The following HAUS7 variants were observed in gnomAD, a reference collection of about 807,000 sequenced individuals.
HAUS7 encodes the protein HAUS augmin-like complex subunit 7.
Under a neutral mutation model 28.4 loss-of-function variants are expected in HAUS7, and 3 were observed. The observed-to-expected ratio is 0.11, with a 90% CI of 0.05 to 0.27. HAUS7 has a LOEUF of 0.27. Among genes scored for constraint, HAUS7 ranks in the 10% least tolerant of loss-of-function variants. The pLI is 1.00. For missense variants in HAUS7, 284 were observed against 297.3 expected (o/e 0.96, Z 0.33); for synonymous variants, 165 against 132.1 (o/e 1.25, Z -1.71).
intron 1 of HAUS7, chrX:153,486,790 C>CG: frequency 2.0e-6 from 2 of 982,772 alleles, no homozygotes; most frequent in Admixed American, 3.0e-5. Flanking sequence ...GCCCCAGCGG[C>CG]GGGGGGAGGA....
At chrX:153,485,874 G>C (rs116117083) in intron 1 of HAUS7, 49,790 of 916,987 alleles carry the variant, frequency 0.054, 1,060 homozygotes, top group Non-Finnish European at 0.061. Flanking sequence ...CACATCGAGC[G>C]CATCCCTGGC....
chrX:153,473,998 A>G (rs1556985794), upstream of HAUS7, among the ~76,000 whole-genome samples: 1 of 112,213 alleles, frequency 8.9e-6, no homozygotes, highest in African/African-American at 3.2e-5. Flanking sequence ...ATCCTTGCAG[A>G]TGGGGGAAGG....
chrX:153,473,420 G>A (rs1019779942), upstream of HAUS7, among the ~76,000 whole-genome samples: 24 of 113,022 alleles, frequency 2.1e-4, no homozygotes, highest in Admixed American at 1.5e-3. Context: ...CTTGCTCCAC[G>A]GGGCCACTTC....
At chrX:153,486,015 A>G in intron 1 of HAUS7, 1 of 978,006 alleles carries the variant, frequency 1.0e-6, no homozygotes, top group South Asian at 2.0e-5. Flanking sequence ...CTCCTGGATC[A>G]TAACCAGGTG....
chrX:153,462,007 G>T, intron 4 of HAUS7: 1 of 536,952 alleles, frequency 1.9e-6, no homozygotes, highest in Non-Finnish European at 3.2e-6. Context: ...ACCACCTTGT[G>T]CACATGTTCT....
rs782663517 is a variant in HAUS7 at position 153,485,658 on chromosome X, C to G, written c.-589+9716G>C. On this transcript the variant is annotated intron_variant, in intron 1 of 5. Transcript: ENST00000370210. ...AGAGTTCGGGTTGCGGCTGCCATCT[C>G]GGAGTGAATCCCCACGCTCGTCTTG... 1.4e-5 allele frequency: 6 copies of G among 422,309 alleles called. No individual in the cohort carries two copies. The South Asian group carries it at 5.3e-4, about 37-fold the overall frequency. The allele number at this position is 422,309 out of a possible 1,213,427, so 34.8% of individuals were successfully genotyped here. A position where few individuals can be genotyped will look rare whatever the true frequency, so the allele number is the denominator to read the frequency against.
chrX:153,468,647 G>A (rs1244625147), intron 2 of HAUS7, among the ~76,000 whole-genome samples: 7 of 112,324 alleles, frequency 6.2e-5, no homozygotes, highest in Non-Finnish European at 1.3e-4. Context: ...TGGGAAACGG[G>A]TCACGGCACA....
chrX:153,478,303 C>T (rs886469943), intron 1 of HAUS7, among the ~76,000 whole-genome samples: 1 of 111,929 alleles, frequency 8.9e-6, no homozygotes, highest in African/African-American at 3.3e-5. Context: ...CTGAGGGTGG[C>T]GGGCTCTAGG....
At chrX:153,456,761 GC>G in intron 5 of HAUS7, 110 bp from the exon 6 acceptor site, 2 of 588,128 alleles carry the variant, frequency 3.4e-6, no homozygotes, top group Non-Finnish European at 5.3e-6. Context: ...AGGCACAGAG[GC>G]CAGGACAAGC....
intron 1 of HAUS7, 106 bp downstream of exon 1, chrX:153,470,344 A>G (rs1556984931): frequency 2.5e-6 from 2 of 808,638 alleles, no homozygotes; most frequent in Non-Finnish European, 3.6e-6. Context: ...GGAACCGGCG[A>G]CGGTGGCCGC....
chrX:153,462,656 C>A lies in HAUS7; in HGVS notation c.308G>T (p.Gly103Val). ...TGGCGCACACAGCATCAGCTCGTGGCCCAGCTTCGTCATTTCTGTTGAAAC... is the reference window on the plus strand; with the variant it reads ...TGGCGCACACAGCATCAGCTCGTGGACCAGCTTCGTCATTTCTGTTGAAAC... ...EVKIQEMTKL[G>V]HELMLCAPDD... The change falls in exon 4 of 10, where the codon GGC (glycine) becomes GTC (valine). Residue 103 changes from glycine (G) to valine (V), a missense_variant. Coordinates refer to ENST00000370211, the MANE Select transcript of HAUS7 (RefSeq NM_001385482.1). 12 of 1,205,952 alleles carry A rather than the reference C, an allele frequency of 1.0e-5. No individual in the cohort carries two copies. Among genetic ancestry groups the A allele is most frequent in the Non-Finnish European group, 1.3e-5 (12 of 889,772 alleles).
chrX:153,485,854 G>T (rs1444902848), intron 1 of HAUS7: 3 of 907,926 alleles, frequency 3.3e-6, no homozygotes, highest in African/African-American at 4.3e-5. Context: ...GCCTGACGCT[G>T]CACCACGACC....
chrX:153,483,549 A>G (rs1477795996), intron 1 of HAUS7: 3 of 654,729 alleles, frequency 4.6e-6, no homozygotes, highest in Non-Finnish European at 5.5e-6. Flanking sequence ...GGAGAGGGCA[A>G]TGCTGAGCCA....
In HAUS7 at chrX:153,462,988, T is replaced by C. The variant is rs891676078; in HGVS notation, c.293-317A>G. 9.5e-6 allele frequency: 4 copies of C among 419,859 alleles called. No homozygotes were observed. The African/African-American group carries it at 9.6e-5, about 10-fold the overall frequency. 34.6% of individuals were successfully genotyped at this position (419,859 alleles called of 1,213,427 possible). A position where few individuals can be genotyped will look rare whatever the true frequency, so the allele number is the denominator to read the frequency against. On this transcript the variant is annotated intron_variant, in intron 3 of 9. Coordinates refer to ENST00000370211, the MANE Select transcript of HAUS7 (RefSeq NM_001385482.1). ...GTCAGTGAACCTCTACAGTGCACTG[T>C]CTGCCACTCTCTCCAAGACCTCACA... is the stretch of plus-strand genomic sequence containing the variant.
At chrX:153,454,007 C>T (rs2089270141) in intron 9 of HAUS7, among the ~76,000 whole-genome samples, 1 of 110,474 alleles carries the variant, frequency 9.1e-6, no homozygotes. Context: ...TTAGTAGAAA[C>T]GTGGTTTTGC....
intron 2 of HAUS7, among the ~76,000 whole-genome samples, chrX:153,465,943 CAAG>C (rs1391387676): frequency 8.9e-6 from 1 of 112,674 alleles, no homozygotes; most frequent in Non-Finnish European, 1.9e-5. Context: ...CTTTCATAAA[CAAG>C]AAGGAGTCGC....
intron 9 of HAUS7, among the ~76,000 whole-genome samples, chrX:153,451,817 TC>T (rs1556981130): frequency 9.0e-6 from 1 of 111,353 alleles, no homozygotes; most frequent in Admixed American, 9.5e-5. Flanking sequence ...GCTGTGAAAA[TC>T]CCAGAGAGAG....
intron 1 of HAUS7, among the ~76,000 whole-genome samples, chrX:153,489,809 G>A (rs1443522270): frequency 8.0e-5 from 9 of 112,114 alleles, no homozygotes; most frequent in African/African-American, 2.6e-4. Context: ...GGCCCCCCAC[G>A]GGCCCACCCC....
At chrX:153,492,452 G>A (rs1210110900) in intron 1 of HAUS7, among the ~76,000 whole-genome samples, 1 of 112,310 alleles carries the variant, frequency 8.9e-6, no homozygotes, top group East Asian at 2.8e-4. Flanking sequence ...GGTGGGCCCC[G>A]GGCCGGGCGT....
Sources: allele counts gnomAD v4.1 joint callset (sites outside exome capture counted in the v4.1 genomes callset), GRCh38; gene constraint gnomAD v4.1.1; transcripts MANE v1.5; gene names NCBI Gene and HGNC (gene_info 2026-07-23, HGNC 2026-07-21).